Variants in GMDS observed in about 807,000 individuals in gnomAD.
The protein encoded by GMDS is GDP-mannose 4,6 dehydratase.
Under a neutral mutation model 49.9 loss-of-function variants are expected in GMDS, and 20 were observed. The ratio of observed to expected loss-of-function variants is 0.40; its 90% confidence interval spans 0.28 to 0.58. The LOEUF (loss-of-function observed/expected upper bound fraction) is 0.58. GMDS is among the 20% of genes least tolerant of loss of function. The pLI, the probability that GMDS is intolerant of heterozygous loss-of-function variation, is 0.42. For missense variants in GMDS, 362 were observed against 481.4 expected (o/e 0.75, Z 2.32); for synonymous variants, 177 against 178.6 (o/e 0.99, Z 0.07).
chr6:1,737,506 CACACACACACACACAGAGAT>C (rs1767040841), intron 8 of GMDS, among the ~76,000 whole-genome samples: 1 of 151,350 alleles, frequency 6.6e-6, no homozygotes, highest in African/African-American at 2.4e-5. Flanking sequence ...CACAAACACA[CACACACACACACACAGAGAT>C]ACACACACAT....
rs1228041042 is a variant in GMDS, at chr6:1,624,017, G to T, written c.*152C>A. On this transcript the variant is annotated 3_prime_UTR_variant, in exon 11 of 11. Coordinates refer to ENST00000380815, the MANE Select transcript of GMDS (RefSeq NM_001500.4). ...CGGCTGCTACAAACCTCGGCGGGGCGGCCCCGCTCTTGCGGCCGGGACAGC... is the reference window on the plus strand; with the variant it reads ...CGGCTGCTACAAACCTCGGCGGGGCTGCCCCGCTCTTGCGGCCGGGACAGC... 1.6e-6 allele frequency: 1 copy of T among 640,412 alleles called. No homozygotes were observed. Among genetic ancestry groups the T allele is most frequent in the African/African-American group, 1.9e-5 (1 of 54,008 alleles). 39.7% of individuals were successfully genotyped at this position (640,412 alleles called of 1,614,324 possible). A position where few individuals can be genotyped will look rare whatever the true frequency, so the allele number is the denominator to read the frequency against.
At chr6:1,665,010 T>G (rs1334422307) in intron 9 of GMDS, among the ~76,000 whole-genome samples, 1 of 152,248 alleles carries the variant, frequency 6.6e-6, no homozygotes, top group Non-Finnish European at 1.5e-5. Flanking sequence ...ACAGAGTACG[T>G]GTATCTCTTG....
intron 1 of GMDS, among the ~76,000 whole-genome samples, chr6:2,145,796 G>GC (rs1776527457): frequency 1.3e-5 from 2 of 152,220 alleles, no homozygotes; most frequent in African/African-American, 4.8e-5. Flanking sequence ...AGGAGGCTGA[G>GC]ACAAGAGGAT....
At chr6:1,727,682 A>G (rs1581514764) in intron 8 of GMDS, among the ~76,000 whole-genome samples, 1 of 152,322 alleles carries the variant, frequency 6.6e-6, no homozygotes, top group East Asian at 1.9e-4. Context: ...TTAAAGACAT[A>G]AACTGACCTC....
chr6:2,202,711 A>C (rs1181717118), intron 1 of GMDS, among the ~76,000 whole-genome samples: 2 of 152,130 alleles, frequency 1.3e-5, no homozygotes, highest in Admixed American at 6.5e-5. Context: ...ATCTGACATG[A>C]TGCCACGTCT....
Position 2,090,319 on chromosome 6 carries a change from A to T in GMDS, c.345+25452T>A, listed in dbSNP as rs189879384. The stretch of plus-strand genomic sequence containing the variant: ...AATCCGATGGTAAAGAGTAGGAAAC[A>T]TGTATAAGAAATTCCTATACTTCGG... On this transcript the variant is annotated intron_variant, in intron 4 of 10. Transcript: ENST00000380815. Among the ~76,000 whole-genome samples, 15 of 152,332 alleles carry T rather than the reference A, an allele frequency of 9.8e-5. No homozygotes were observed. The East Asian group carries it at 2.7e-3, about 27-fold the overall frequency.
chr6:1,888,144 T>A (rs952857329), intron 7 of GMDS, among the ~76,000 whole-genome samples: 2 of 149,912 alleles, frequency 1.3e-5, no homozygotes, highest in African/African-American at 4.8e-5. Flanking sequence ...ATTTTTTTTT[T>A]TTTTTTGAAG....
chr6:1,729,654 G>C (rs775169034), intron 8 of GMDS, among the ~76,000 whole-genome samples: 1 of 152,218 alleles, frequency 6.6e-6, no homozygotes, highest in Admixed American at 6.5e-5. Flanking sequence ...GTGATGTTAC[G>C]ACTTGAAGCA....
At chr6:2,160,390 C>T (rs1488564737) in intron 1 of GMDS, among the ~76,000 whole-genome samples, 1 of 152,138 alleles carries the variant, frequency 6.6e-6, no homozygotes, top group Non-Finnish European at 1.5e-5. Flanking sequence ...TACTATGATC[C>T]CATTTTATAG....
intron 1 of GMDS, among the ~76,000 whole-genome samples, chr6:2,222,628 G>C (rs969986909): frequency 3.3e-5 from 5 of 152,216 alleles, no homozygotes; most frequent in African/African-American, 1.2e-4. Context: ...AGGAAATGCT[G>C]TACTAAGAAA....
At chr6:1,882,669 A>T (rs1759418167) in intron 7 of GMDS, among the ~76,000 whole-genome samples, 1 of 152,248 alleles carries the variant, frequency 6.6e-6, no homozygotes, top group Admixed American at 6.5e-5. Context: ...GTCAGTGAGC[A>T]AAAGGATCCA....
At position 2,168,200 on chromosome 6, in the gene GMDS, G is replaced by A. The variant is rs143356697; in HGVS notation, c.103-43469C>T. On this transcript the variant is annotated intron_variant, in intron 1 of 10. Transcript: ENST00000380815. ...CTTCCTCAGAAGGAAAGATGTGTTA[G>A]CAACAGTCATGCTCCAATTCTTTCC... Among the ~76,000 whole-genome samples, 71 of 152,264 alleles carry A rather than the reference G, an allele frequency of 4.7e-4. No homozygotes were observed. The East Asian group carries it at 0.013, about 29-fold the overall frequency.
At chr6:1,835,522 A>G (rs1044383161) in intron 7 of GMDS, among the ~76,000 whole-genome samples, 1 of 152,258 alleles carries the variant, frequency 6.6e-6, no homozygotes, top group South Asian at 2.1e-4. Context: ...ACTATAAAAT[A>G]ATCTTTAAAA....
chr6:1,822,483 GA>G (rs1218524517), intron 7 of GMDS, among the ~76,000 whole-genome samples: 1 of 152,130 alleles, frequency 6.6e-6, no homozygotes, highest in Non-Finnish European at 1.5e-5. Context: ...ATAATCTGAC[GA>G]ATTCCAAGAG....
At position 1,821,380 on chromosome 6, in the gene GMDS, C is replaced by CG. The variant is rs1372909464; in HGVS notation, c.772-78795dup. On this transcript the variant is annotated intron_variant, in intron 7 of 10. Transcript: ENST00000380815. ...GGGAGCCGCGGCTGGTGGGTGGGGA[C>CG]GGGGGGCAGCTCGCTGTCGTGGGCT... Among the ~76,000 whole-genome samples, 7 of 147,944 alleles carry CG rather than the reference C, an allele frequency of 4.7e-5. No individual in the cohort carries two copies. The East Asian group carries it at 6.4e-4, about 13-fold the overall frequency.
chr6:1,726,714 G>A (rs1019760954), intron 8 of GMDS, among the ~76,000 whole-genome samples: 5 of 152,100 alleles, frequency 3.3e-5, no homozygotes, highest in African/African-American at 7.2e-5. Context: ...CAAGGGCAGC[G>A]TTTTTTTCCT....
In GMDS at chr6:1,915,736, T is replaced by A. The variant is rs529617759; in HGVS notation, c.771+14367A>T. On this transcript the variant is annotated intron_variant, in intron 7 of 10. Coordinates refer to ENST00000380815, the MANE Select transcript of GMDS (RefSeq NM_001500.4). ...CTCAGCAAGCCTCTCTCTCTATGCC[T>A]TATGTTTTCCCTCTAGTGAGAAAAA... Among the ~76,000 whole-genome samples, 3 of 152,346 alleles carry A rather than the reference T, an allele frequency of 2.0e-5. No individual in the cohort carries two copies. The East Asian group carries it at 5.8e-4, about 29-fold the overall frequency.
intron 7 of GMDS, among the ~76,000 whole-genome samples, chr6:1,828,857 ACCCCTGC>A (rs1461759467): frequency 6.6e-6 from 1 of 152,126 alleles, no homozygotes; most frequent in East Asian, 1.9e-4. Context: ...GGGGTGCCAA[ACCCCTGC>A]ACTGTAAAAA....
At chr6:1,867,351 C>T (rs62388424) in intron 7 of GMDS, among the ~76,000 whole-genome samples, 5,390 of 152,250 alleles carry the variant, frequency 0.035, 126 homozygotes, top group Middle Eastern at 0.058. Flanking sequence ...ACATATTTTA[C>T]TTATACTACT....
Sources: allele counts gnomAD v4.1 joint callset (sites outside exome capture counted in the v4.1 genomes callset), GRCh38; gene constraint gnomAD v4.1.1; transcripts MANE v1.5; gene names NCBI Gene and HGNC (gene_info 2026-07-23, HGNC 2026-07-21).